NDUFAF6: variants seen among roughly 807,000 people sequenced by gnomAD.
NDUFAF6 encodes the protein NADH dehydrogenase (ubiquinone) complex I, assembly factor 6.
A neutral mutation model predicts 40.8 loss-of-function variants in NDUFAF6; 45 were observed. The ratio of observed to expected loss-of-function variants is 1.10; its 90% CI spans 0.87 to 1.42. NDUFAF6 has a LOEUF of 1.42. Ranked by LOEUF, NDUFAF6 falls within the 40% of genes most tolerant of loss-of-function variation. The pLI is 0.00. For missense variants in NDUFAF6, 435 were observed against 418.5 expected, an observed-to-expected ratio of 1.04 and a Z score of -0.34; for synonymous variants, 185 against 155.9, an observed-to-expected ratio of 1.19 and a Z score of -1.39.
downstream of NDUFAF6, among the ~76,000 whole-genome samples, chr8:95,080,972 G>A (rs890238052): frequency 6.6e-6 from 1 of 151,970 alleles, no homozygotes; most frequent in Non-Finnish European, 1.5e-5. Context: ...ACCTAGCCTC[G>A]TACTCAAGGA....
intron 2 of NDUFAF6, among the ~76,000 whole-genome samples, chr8:94,996,069 G>A (rs762944962): frequency 5.3e-5 from 8 of 152,044 alleles, no homozygotes; most frequent in Non-Finnish European, 7.4e-5. Flanking sequence ...CACTGCACCC[G>A]GCTGCTTACT....
chr8:95,053,925 C>CTTTTTTTT (rs71273448), intron 8 of NDUFAF6, among the ~76,000 whole-genome samples: 3 of 37,016 alleles, frequency 8.1e-5, no homozygotes, highest in African/African-American at 1.9e-4. Context: ...CCGTGCCCGG[C>CTTTTTTTT]TTTTTTTTTT....
intron 7 of NDUFAF6, 39 bp from the exon 8 acceptor site, chr8:95,052,135 C>T: frequency 6.2e-7 from 1 of 1,604,544 alleles, no homozygotes; most frequent in Non-Finnish European, 8.5e-7. Context: ...TGTTTATTTG[C>T]TTAATTTTGA....
chr8:95,117,501 T>G (rs1355775362), downstream of NDUFAF6, among the ~76,000 whole-genome samples: 1 of 152,178 alleles, frequency 6.6e-6, no homozygotes, highest in Non-Finnish European at 1.5e-5. Context: ...GGATAGTGAG[T>G]AGATGAATGC....
intron 2 of NDUFAF6, among the ~76,000 whole-genome samples, chr8:95,007,271 G>T (rs970339508): frequency 1.4e-5 from 2 of 147,278 alleles, no homozygotes; most frequent in Non-Finnish European, 1.5e-5. Flanking sequence ...GATGTTTCAA[G>T]TGTTTACATT....
At chr8:95,030,662 A>G (rs10098197) in intron 1 of NDUFAF6, among the ~76,000 whole-genome samples, 22,179 of 152,204 alleles carry the variant, frequency 0.15, 1,626 homozygotes, top group Middle Eastern at 0.24. Flanking sequence ...TGCTCAAGAA[A>G]ATGTTTCAGA....
At chr8:94,914,843 C>G (rs1214351730) in intron 1 of NDUFAF6, among the ~76,000 whole-genome samples, 1 of 151,432 alleles carries the variant, frequency 6.6e-6, no homozygotes, top group African/African-American at 2.4e-5. Context: ...AAAAAAAATA[C>G]AAAAGTGAGT....
intron 1 of NDUFAF6, chr8:94,930,816 C>T (rs1261841161): frequency 1.1e-5 from 16 of 1,423,662 alleles, no homozygotes; most frequent in Middle Eastern, 2.5e-4. Flanking sequence ...CAATTTGCCA[C>T]GCTAATTTGT....
chr8:95,020,016 T>A (rs1362375869), upstream of NDUFAF6, among the ~76,000 whole-genome samples: 3 of 152,126 alleles, frequency 2.0e-5, no homozygotes, highest in Admixed American at 1.3e-4. Flanking sequence ...CTGGCCAACA[T>A]GGTGAAACCC....
chr8:95,039,110 G>A (rs967818240), intron 3 of NDUFAF6, among the ~76,000 whole-genome samples: 4 of 151,712 alleles, frequency 2.6e-5, no homozygotes, highest in East Asian at 3.9e-4. Context: ...CCAAGTAGCC[G>A]GGACTACAGT....
At position 95,057,449 on chromosome 8, in the gene NDUFAF6, G is replaced by A. The variant is rs184516731; in HGVS notation, c.874-360G>A. Reference sequence around the variant, plus strand: ...CATGGTACACTACATTTGGGGGGTCGGGGTGGGGATGTTTCATTTTCCCTG... The same window carrying A: ...CATGGTACACTACATTTGGGGGGTCAGGGTGGGGATGTTTCATTTTCCCTG... On this transcript the variant is annotated intron_variant, in intron 8 of 8. Coordinates refer to ENST00000396124, the MANE Select transcript of NDUFAF6 (RefSeq NM_152416.4). 6.8e-4 allele frequency among the ~76,000 whole-genome samples: 103 copies of A among 152,204 alleles called. 1 individual carries two copies. The East Asian group carries it at 0.019, about 28-fold the overall frequency.
chr8:95,022,255 C>T (rs1176091297), upstream of NDUFAF6, among the ~76,000 whole-genome samples: 3 of 151,624 alleles, frequency 2.0e-5, no homozygotes, highest in East Asian at 1.9e-4. Context: ...TTATTTTAAT[C>T]GAATGGCTGA....
chr8:95,026,225 T>C (rs1315596826), intron 1 of NDUFAF6, among the ~76,000 whole-genome samples: 1 of 152,130 alleles, frequency 6.6e-6, no homozygotes, highest in African/African-American at 2.4e-5. Context: ...CTCCGCACTT[T>C]AGGAGGCTGA....
intron 2 of NDUFAF6, among the ~76,000 whole-genome samples, chr8:95,001,171 G>C (rs893278999): frequency 1.3e-5 from 2 of 151,916 alleles, no homozygotes; most frequent in African/African-American, 2.4e-5. Context: ...GCCCAGGTTG[G>C]TCTTGAACTC....
At chr8:95,106,440 T>C (rs1809845997), downstream of NDUFAF6, among the ~76,000 whole-genome samples, 1 of 152,110 alleles carries the variant, frequency 6.6e-6, no homozygotes, top group Non-Finnish European at 1.5e-5. Flanking sequence ...TGCAGAAAAC[T>C]GAAACTGGAC....
chr8:94,898,267 A>G (rs1033540364), intron 1 of NDUFAF6, among the ~76,000 whole-genome samples: 2 of 152,130 alleles, frequency 1.3e-5, no homozygotes, highest in Non-Finnish European at 2.9e-5. Flanking sequence ...TTTTTACCTA[A>G]TATCTTTTTA....
chr8:94,940,691 G>A, intron 1 of NDUFAF6: 1 of 638,832 alleles, frequency 1.6e-6, no homozygotes. Flanking sequence ...ATGGTTTCCT[G>A]CAATTTTTTA....
At chr8:94,911,089 A>G (rs967618296) in intron 1 of NDUFAF6, among the ~76,000 whole-genome samples, 6 of 152,224 alleles carry the variant, frequency 3.9e-5, no homozygotes, top group African/African-American at 7.2e-5. Flanking sequence ...AAGTGGCAAG[A>G]TGCCACCTCA....
chr8:94,945,806 C>T (rs1464248368), intron 2 of NDUFAF6, among the ~76,000 whole-genome samples: 3 of 152,208 alleles, frequency 2.0e-5, no homozygotes, highest in African/African-American at 2.4e-5. Context: ...GGTGAAGTAG[C>T]GCTGTTGTTC....
Sources: allele counts gnomAD v4.1 joint callset (sites outside exome capture counted in the v4.1 genomes callset), GRCh38; gene constraint gnomAD v4.1.1; transcripts MANE v1.5; gene names NCBI Gene and HGNC (gene_info 2026-07-23, HGNC 2026-07-21).